Variants in FRAS1 observed in about 807,000 individuals in gnomAD.
FRAS1 encodes extracellular matrix organizing protein FRAS1.
A neutral mutation model predicts 435.2 loss-of-function variants in FRAS1; 290 were observed. That is an observed-to-expected ratio of 0.67 (90% CI 0.61 to 0.73). The LOEUF (loss-of-function observed/expected upper bound fraction) is 0.73. Ranked by LOEUF, FRAS1 falls within the 30% of genes least tolerant of loss-of-function variation. FRAS1 has a pLI of 0.00. For synonymous variants in FRAS1, 1,800 were observed against 1,851.0 expected (o/e 0.97, Z 0.71); for missense variants, 4,860 against 5,001.5 (o/e 0.97, Z 0.85).
chr4:78,499,534 A>G (rs899266788), intron 60 of FRAS1, among the ~76,000 whole-genome samples, 187 bp from the exon 61 acceptor site: 1 of 152,248 alleles, frequency 6.6e-6, no homozygotes, highest in African/African-American at 2.4e-5. Flanking sequence ...TCACAAATAA[A>G]TAATTTTTTC....
At chr4:78,143,834 A>C (rs1720297716) in intron 2 of FRAS1, among the ~76,000 whole-genome samples, 2 of 150,634 alleles carry the variant, frequency 1.3e-5, no homozygotes, top group Non-Finnish European at 3.0e-5. Flanking sequence ...AGCCCAGGGG[A>C]CAAAGGTTGA....
chr4:78,284,457 C>T lies in FRAS1; in HGVS notation c.1308C>T (p.Asp436=). The change falls in exon 13 of 74, where the codon GAC becomes GAT. Residue 436 remains aspartate, a synonymous_variant. Transcript: ENST00000512123. ...GCTCTCAGTCTCCAGACCACTGTGA[C>T]CTCTGCCAAGATCCTACCAAGTTAC... ...LTCSQSPDHC[D]LCQDPTKLLQ... is the part of the protein sequence containing the mutation. 2 of 1,613,812 alleles carry T rather than the reference C, an allele frequency of 1.2e-6. No individual in the cohort carries two copies. Among genetic ancestry groups the T allele is most frequent in the Non-Finnish European group, 8.5e-7 (1 of 1,179,828 alleles).
At chr4:78,198,402 C>CTT (rs1454742666) in intron 2 of FRAS1, among the ~76,000 whole-genome samples, 1 of 145,880 alleles carries the variant, frequency 6.9e-6, no homozygotes, top group African/African-American at 2.5e-5. Context: ...TCATTCTTCT[C>CTT]TTCCACTTAC....
chr4:78,486,543 A>C (rs1720173639), intron 58 of FRAS1, among the ~76,000 whole-genome samples: 1 of 152,210 alleles, frequency 6.6e-6, no homozygotes, highest in South Asian at 2.1e-4. Context: ...GGAGCCCTGC[A>C]GTCAGGGGAA....
chr4:78,261,480 G>A (rs1338871934), intron 6 of FRAS1, among the ~76,000 whole-genome samples: 2 of 152,068 alleles, frequency 1.3e-5, no homozygotes, highest in African/African-American at 4.8e-5. Flanking sequence ...TGAGTAAACG[G>A]GAGTAGCAGG....
chr4:78,067,762 T>A (rs920127610), intron 2 of FRAS1, among the ~76,000 whole-genome samples: 7 of 149,644 alleles, frequency 4.7e-5, no homozygotes, highest in African/African-American at 1.7e-4. Context: ...GCAGGGATCT[T>A]GGCTCACTGC....
intron 2 of FRAS1, among the ~76,000 whole-genome samples, chr4:78,187,690 G>A (rs188343535): frequency 3.1e-4 from 47 of 151,958 alleles, no homozygotes; most frequent in African/African-American, 1.0e-3. Flanking sequence ...TGCAACCTCC[G>A]CCTCTCAGGT....
rs770571739 is a variant in FRAS1, at chr4:78,102,605, A to G, written c.108+36589A>G. Among the ~76,000 whole-genome samples, 7 of 152,344 alleles carry G rather than the reference A, an allele frequency of 4.6e-5. No individual in the cohort carries two copies. In the East Asian group the frequency reaches 5.8e-4, roughly 13 times the overall value. ...CTTTTAACTACATAGTGTATTTAAT[A>G]GGAACTGAAAATTGAAGAAAACATG... On this transcript the variant is annotated intron_variant, in intron 2 of 73. Coordinates refer to ENST00000512123, the MANE Select transcript of FRAS1 (RefSeq NM_025074.7).
chr4:78,098,437 G>C (rs1158169262), intron 2 of FRAS1, among the ~76,000 whole-genome samples: 1 of 151,944 alleles, frequency 6.6e-6, no homozygotes, highest in Non-Finnish European at 1.5e-5. Flanking sequence ...ACTACAGCTG[G>C]CTAATTTTTG....
chr4:78,390,642 T>C (rs1732408990), intron 29 of FRAS1, among the ~76,000 whole-genome samples: 1 of 152,224 alleles, frequency 6.6e-6, no homozygotes, highest in Non-Finnish European at 1.5e-5. Flanking sequence ...ACTCACTGTA[T>C]CTTGTTACAA....
chr4:78,329,286 C>G (rs980448847), intron 18 of FRAS1, among the ~76,000 whole-genome samples: 2 of 152,168 alleles, frequency 1.3e-5, no homozygotes, highest in Admixed American at 1.3e-4. Context: ...AATGTTGGTT[C>G]GAGCTCGAGA....
chr4:78,306,450 CAG>C (rs1402456056), intron 14 of FRAS1, among the ~76,000 whole-genome samples: 30 of 104,824 alleles, frequency 2.9e-4, no homozygotes, highest in African/African-American at 1.0e-3. Flanking sequence ...TAATATCCTG[CAG>C]AGTGTTTTCC....
At position 78,083,626 on chromosome 4, in the gene FRAS1, GTTTTTTTTT is replaced by G. The variant is rs35633131; in HGVS notation, c.108+17621_108+17629del. Among the ~76,000 whole-genome samples the G allele has an allele frequency of 2.2e-4, 24 of 108,304 alleles. No homozygotes were observed. In the Admixed American group the frequency reaches 2.5e-3, roughly 11 times the overall value. 71.1% of individuals were successfully genotyped at this position (108,304 alleles called of 152,430 possible). A position where few individuals can be genotyped will look rare whatever the true frequency, so the allele number is the denominator to read the frequency against. On this transcript the variant is annotated intron_variant, in intron 2 of 73. Coordinates refer to ENST00000512123, the MANE Select transcript of FRAS1 (RefSeq NM_025074.7). Reference sequence around the variant, plus strand: ...TTATTTTTCATTACATGCAAGTTCTGTTTTTTTTTTTTTTTTTTTGCAAGAATCTAACAT... The same window carrying G: ...TTATTTTTCATTACATGCAAGTTCTGTTTTTTTTTTGCAAGAATCTAACAT...
chr4:78,482,549 G>T lies in FRAS1; in HGVS notation c.8752+14G>T, dbSNP rs1411671783. The T allele has an allele frequency of 1.2e-5, 19 of 1,610,076 alleles. No individual in the cohort carries two copies. Among genetic ancestry groups the T allele is most frequent in the Non-Finnish European group, 1.5e-5 (18 of 1,178,724 alleles). ...CATTCCAAGATGGTAAGAGATTGGG[G>T]ATGCCAGCTGGTAGGTCCAAATATA... is the stretch of plus-strand genomic sequence containing the variant. On this transcript the variant is annotated intron_variant, in intron 58 of 73. Coordinates refer to ENST00000512123, the MANE Select transcript of FRAS1 (RefSeq NM_025074.7).
chr4:78,498,514 A>G (rs1720577004), intron 60 of FRAS1, among the ~76,000 whole-genome samples: 1 of 137,398 alleles, frequency 7.3e-6, no homozygotes, highest in Admixed American at 7.3e-5. Flanking sequence ...CTCAAAGAAA[A>G]AAAAAAAAAA....
chr4:78,064,521 G>T (rs1197851167), intron 1 of FRAS1, among the ~76,000 whole-genome samples: 2 of 151,430 alleles, frequency 1.3e-5, no homozygotes, highest in Non-Finnish European at 2.9e-5. Context: ...TATAATTTTT[G>T]CTTATACATA....
At position 78,159,113 on chromosome 4, in the gene FRAS1, T is replaced by C. The variant is rs1475143078; in HGVS notation, c.109-78397T>C. Among the ~76,000 whole-genome samples, 3 of 152,222 alleles carry C rather than the reference T, an allele frequency of 2.0e-5. No individual in the cohort carries two copies. In the East Asian group the frequency reaches 5.8e-4, roughly 29 times the overall value. On this transcript the variant is annotated intron_variant, in intron 2 of 73. Coordinates refer to ENST00000512123, the MANE Select transcript of FRAS1 (RefSeq NM_025074.7). Reference sequence around the variant, plus strand: ...TGTGATTGGGCAGAACTCATTAGTATGTGGTTGTGCACAGACTCTGGGCCC... The same window carrying C: ...TGTGATTGGGCAGAACTCATTAGTACGTGGTTGTGCACAGACTCTGGGCCC...
At chr4:78,513,840 A>G (rs1211035672) in intron 65 of FRAS1, among the ~76,000 whole-genome samples, 2 of 152,194 alleles carry the variant, frequency 1.3e-5, no homozygotes, top group Admixed American at 6.5e-5. Flanking sequence ...AACAATTGCT[A>G]CCACTCAAGA....
chr4:78,465,246 T>C (rs1719491387), intron 49 of FRAS1, among the ~76,000 whole-genome samples: 1 of 152,250 alleles, frequency 6.6e-6, no homozygotes, highest in East Asian at 1.9e-4. Context: ...GGCTCTGCTG[T>C]AGATGCCGAA....
Sources: allele counts gnomAD v4.1 joint callset (sites outside exome capture counted in the v4.1 genomes callset), GRCh38; gene constraint gnomAD v4.1.1; transcripts MANE v1.5; gene names NCBI Gene and HGNC (gene_info 2026-07-23, HGNC 2026-07-21).